PRIM2: variants seen among roughly 807,000 people sequenced by gnomAD.
The protein encoded by PRIM2 is DNA primase large subunit.
Under a neutral mutation model 67.3 loss-of-function variants are expected in PRIM2, and 39 were observed. The observed-to-expected ratio is 0.58, with a 90% CI of 0.45 to 0.76. PRIM2 has a LOEUF of 0.76. Among genes scored for constraint, PRIM2 ranks in the 30% least tolerant of loss-of-function variants. PRIM2 has a pLI of 0.00. For synonymous variants in PRIM2, 143 were observed against 198.7 expected (o/e 0.72, Z 2.36); for missense variants, 398 against 598.7 (o/e 0.66, Z 3.50).
chr6:57,224,166 C>T, the PRIM2 span, among the ~76,000 whole-genome samples: 1 of 151,990 alleles, frequency 6.6e-6, no homozygotes, highest in Admixed American at 6.6e-5. Context: ...CCAGGTGTGG[C>T]GAGGTATCCC....
At chr6:57,348,235 A>G (rs1331924031) in intron 5 of PRIM2, among the ~76,000 whole-genome samples, 3 of 151,972 alleles carry the variant, frequency 2.0e-5, no homozygotes, top group Admixed American at 6.6e-5. Context: ...CCTTTTGTTT[A>G]TCTTTTTAAA....
At position 57,606,370 on chromosome 6, in the gene PRIM2, G is replaced by T. The variant is rs1427317049; in HGVS notation, c.1148-5G>T. ...TTTGTGTGCTGGCTTATTTTTTGTT[G>T]TCAGGGTGCCCATTCCGTCACAGTG... On this transcript the variant is annotated splice_polypyrimidine_tract_variant and splice_region_variant and intron_variant, in intron 11 of 13. Transcript: ENST00000615550. 1.5e-3 allele frequency: 2,314 copies of T among 1,588,968 alleles called. 24 individuals carry two copies. The East Asian group carries it at 0.017, about 12-fold the overall frequency.
the PRIM2 span, among the ~76,000 whole-genome samples, chr6:57,251,868 CAG>C: frequency 1.1e-4 from 16 of 152,298 alleles, no homozygotes; most frequent in Admixed American, 5.9e-4. Context: ...TCCTAAAATT[CAG>C]CTGTAAACTT....
rs1344539037 is a variant in PRIM2 at position 57,540,226 on chromosome 6, C to T, written c.1020+2601C>T. On this transcript the variant is annotated intron_variant, in intron 10 of 13. Coordinates refer to ENST00000615550, the MANE Select transcript of PRIM2 (RefSeq NM_000947.5). ...TCTCCACAGAAATGGAACTGTGTGT[C>T]TGTCTGTCTTTCTGTCACTTACACA... Among the ~76,000 whole-genome samples the T allele has an allele frequency of 5.7e-3, 864 of 152,156 alleles. 7 individuals carry two copies. Among genetic ancestry groups the T allele is most frequent in the African/African-American group, 0.019 (785 of 41,496 alleles).
chr6:57,618,683 A>G (rs1266193513), intron 12 of PRIM2, among the ~76,000 whole-genome samples: 1 of 151,906 alleles, frequency 6.6e-6, no homozygotes, highest in African/African-American at 2.4e-5. Flanking sequence ...AACCTGCATG[A>G]CTCAGCAGAG....
chr6:57,333,611 A>G (rs545792831), intron 5 of PRIM2, among the ~76,000 whole-genome samples: 4 of 150,906 alleles, frequency 2.7e-5, no homozygotes, highest in Admixed American at 1.3e-4. Context: ...TCTTTTTATA[A>G]CCTCTTGTTA....
intron 9 of PRIM2, among the ~76,000 whole-genome samples, chr6:57,533,177 G>T (rs1473620870): frequency 6.6e-6 from 1 of 151,916 alleles, no homozygotes; most frequent in Non-Finnish European, 1.5e-5. Context: ...TAGGCTACGA[G>T]ATTAATAGAT....
At chr6:57,381,878 T>C (rs1769969894) in intron 6 of PRIM2, 153 bp from the exon 7 acceptor site, 1 of 412,468 alleles carries the variant, frequency 2.4e-6, no homozygotes, top group Non-Finnish European at 3.3e-6. Context: ...GCTAATGCTG[T>C]TGAGTTTTAA....
At chr6:57,585,507 A>C (rs1232415427) in intron 10 of PRIM2, among the ~76,000 whole-genome samples, 13 of 152,194 alleles carry the variant, frequency 8.5e-5, no homozygotes, top group Non-Finnish European at 5.9e-5. Flanking sequence ...GATGAAAGAA[A>C]CTTAAGGAGT....
chr6:57,227,288 T>A, the PRIM2 span, among the ~76,000 whole-genome samples: 1 of 152,200 alleles, frequency 6.6e-6, no homozygotes. Flanking sequence ...GCTTCAGTGA[T>A]CTGATGCATT....
chr6:57,366,196 G>C (rs1769352501), intron 5 of PRIM2, among the ~76,000 whole-genome samples: 1 of 152,154 alleles, frequency 6.6e-6, no homozygotes, highest in African/African-American at 2.4e-5. Context: ...AAATTTGCCA[G>C]TAGAAACACA....
the PRIM2 span, among the ~76,000 whole-genome samples, chr6:57,266,960 C>G: frequency 2.6e-5 from 4 of 152,254 alleles, no homozygotes; most frequent in African/African-American, 9.6e-5. Flanking sequence ...AGTGAATGCT[C>G]AATGAATTTT....
At chr6:57,228,271 T>C in the PRIM2 span, among the ~76,000 whole-genome samples, 2 of 101,040 alleles carry the variant, frequency 2.0e-5, no homozygotes, top group African/African-American at 6.8e-5. Context: ...AAAATAACAT[T>C]GTTGTAGAGC....
chr6:57,359,024 A>G (rs1450447809), intron 5 of PRIM2, among the ~76,000 whole-genome samples: 2 of 152,256 alleles, frequency 1.3e-5, no homozygotes, highest in Non-Finnish European at 2.9e-5. Flanking sequence ...TTGTTGTGCA[A>G]CCATCCCCAT....
chr6:57,284,987 A>G, the PRIM2 span, among the ~76,000 whole-genome samples: 1 of 152,204 alleles, frequency 6.6e-6, no homozygotes, highest in Non-Finnish European at 1.5e-5. Flanking sequence ...AGAGAATACT[A>G]TAAACACCTC....
At chr6:57,536,393 A>G (rs1300462756) in intron 9 of PRIM2, among the ~76,000 whole-genome samples, 3 of 152,306 alleles carry the variant, frequency 2.0e-5, no homozygotes, top group Non-Finnish European at 4.4e-5. Flanking sequence ...TTTCTTTAAC[A>G]TATTTATTTG....
chr6:57,588,320 C>G (rs1274529097), intron 10 of PRIM2, among the ~76,000 whole-genome samples: 1 of 151,966 alleles, frequency 6.6e-6, no homozygotes, highest in African/African-American at 2.4e-5. Context: ...CAAACCCCAC[C>G]ACTGGTAAAG....
intron 7 of PRIM2, among the ~76,000 whole-genome samples, chr6:57,418,745 C>T (rs72873508): frequency 6.6e-6 from 1 of 151,984 alleles, no homozygotes; most frequent in African/African-American, 2.4e-5. Flanking sequence ...AAATATTTCA[C>T]GATTGCCTCC....
At chr6:57,381,503 AT>A (rs1408145441) in intron 6 of PRIM2, among the ~76,000 whole-genome samples, 6,480 of 152,224 alleles carry the variant, frequency 0.043, 425 homozygotes, top group African/African-American at 0.14. Flanking sequence ...ACTTCTTTTA[AT>A]AGCAAAACTG....
Sources: gnomAD v4.1 joint callset for allele counts (sites outside exome capture counted in the v4.1 genomes callset) on GRCh38, gnomAD v4.1.1 for gene constraint, MANE v1.5 for transcripts, NCBI Gene and HGNC (gene_info 2026-07-23, HGNC 2026-07-21) for gene names.